Variants in ADCY2 observed in about 807,000 individuals in gnomAD.
ADCY2 encodes adenylate cyclase 2.
Under a neutral mutation model 125.2 loss-of-function variants are expected in ADCY2, and 31 were observed. The ratio of observed to expected loss-of-function variants is 0.25; its 90% confidence interval spans 0.19 to 0.33. ADCY2 has a LOEUF of 0.33. Among genes scored for constraint, ADCY2 ranks in the 10% least tolerant of loss-of-function variants. The pLI, the probability that ADCY2 is intolerant of heterozygous loss-of-function variation, is 1.00. For missense variants in ADCY2, 904 were observed against 1,418.2 expected, an observed-to-expected ratio of 0.64 and a Z score of 5.82; for synonymous variants, 512 against 548.4, an observed-to-expected ratio of 0.93 and a Z score of 0.93.
At chr5:7,527,315 C>T (rs185503029) in intron 3 of ADCY2, among the ~76,000 whole-genome samples, 43 of 152,320 alleles carry the variant, frequency 2.8e-4, no homozygotes, top group African/African-American at 9.6e-4. Flanking sequence ...ACATATACAT[C>T]GTGCCTGTTC....
chr5:7,468,940 T>A (rs1193181326), intron 2 of ADCY2, among the ~76,000 whole-genome samples: 1 of 152,132 alleles, frequency 6.6e-6, no homozygotes, highest in African/African-American at 2.4e-5. Context: ...ATGCCAAAGC[T>A]ATATCACTCC....
chr5:7,658,427 G>GTA (rs1739414584), intron 4 of ADCY2, among the ~76,000 whole-genome samples: 1 of 142,086 alleles, frequency 7.0e-6, no homozygotes, highest in East Asian at 2.3e-4. Context: ...GTGTGTGTGT[G>GTA]TGTGTATATA....
chr5:7,741,728 T>C (rs199953448), intron 14 of ADCY2, among the ~76,000 whole-genome samples: 1 of 4,240 alleles, frequency 2.4e-4, no homozygotes, highest in Admixed American at 2.6e-3. Flanking sequence ...ATCACTATCA[T>C]CATCACCATC....
At chr5:7,543,800 T>G (rs1735068362) in intron 3 of ADCY2, among the ~76,000 whole-genome samples, 1 of 151,774 alleles carries the variant, frequency 6.6e-6, no homozygotes, top group African/African-American at 2.4e-5. Context: ...GATCACAAGG[T>G]CAGGAGATTG....
At chr5:7,689,655 C>T (rs571524969) in intron 4 of ADCY2, among the ~76,000 whole-genome samples, 1 of 152,092 alleles carries the variant, frequency 6.6e-6, no homozygotes, top group South Asian at 2.1e-4. Context: ...GACACCTGAC[C>T]CTGTGAACCT....
intron 2 of ADCY2, among the ~76,000 whole-genome samples, chr5:7,447,158 A>AC (rs1207854253): frequency 6.6e-6 from 1 of 151,960 alleles, no homozygotes; most frequent in Non-Finnish European, 1.5e-5. Flanking sequence ...CCACCACCCG[A>AC]CCTTACTCAG....
intron 2 of ADCY2, among the ~76,000 whole-genome samples, chr5:7,518,756 C>A (rs1283605931): frequency 1.3e-5 from 2 of 152,108 alleles, no homozygotes; most frequent in Non-Finnish European, 2.9e-5. Flanking sequence ...CGGCTGGACT[C>A]AGAAGAATTA....
intron 1 of ADCY2, among the ~76,000 whole-genome samples, chr5:7,399,888 A>G (rs1739198699): frequency 6.6e-6 from 1 of 152,226 alleles, no homozygotes; most frequent in Non-Finnish European, 1.5e-5. Context: ...ATGAAATTTT[A>G]AGTCATAAAT....
chr5:7,482,303 G>A (rs1205775122), intron 2 of ADCY2, among the ~76,000 whole-genome samples: 2 of 151,902 alleles, frequency 1.3e-5, no homozygotes, highest in East Asian at 1.9e-4. Context: ...TTTGCTGTTG[G>A]GTTGTTTGAG....
In ADCY2 at chr5:7,601,396, G is replaced by C. The variant is rs571395176; in HGVS notation, c.571-24771G>C. 8.6e-4 allele frequency among the ~76,000 whole-genome samples: 131 copies of C among 152,308 alleles called. 2 individuals carry two copies. The highest frequency in any genetic ancestry group is 8.6e-3 in the Admixed American group (131 of 15,300). On this transcript the variant is annotated intron_variant, in intron 3 of 24. Transcript: ENST00000338316. ...CATATACCTCAGGCCTCTGTACAGG[G>C]CAAAAGTCAGTTAAAGGGACATTTG... is the stretch of plus-strand genomic sequence containing the variant.
intron 2 of ADCY2, among the ~76,000 whole-genome samples, chr5:7,486,895 G>A (rs1226098927): frequency 1.3e-5 from 2 of 152,138 alleles, no homozygotes; most frequent in Non-Finnish European, 1.5e-5. Flanking sequence ...CATGTGCGTT[G>A]GAGGTCAGGG....
At chr5:7,498,240 T>A (rs13155425) in intron 2 of ADCY2, among the ~76,000 whole-genome samples, 5 of 51,102 alleles carry the variant, frequency 9.8e-5, no homozygotes, top group Non-Finnish European at 2.5e-4. Flanking sequence ...TCTTTTTTCG[T>A]TTTTTTTTTT....
At chr5:7,699,039 TC>T (rs1382235664) in intron 7 of ADCY2, among the ~76,000 whole-genome samples, 2 of 141,474 alleles carry the variant, frequency 1.4e-5, no homozygotes, top group Non-Finnish European at 3.0e-5. Flanking sequence ...CCACATCCTC[TC>T]CAGCATCTGT....
At chr5:7,548,641 A>G (rs1430314721) in intron 3 of ADCY2, among the ~76,000 whole-genome samples, 2 of 152,206 alleles carry the variant, frequency 1.3e-5, no homozygotes, top group Admixed American at 1.3e-4. Flanking sequence ...AGTGTTTGCC[A>G]GTAACTTTAA....
intron 18 of ADCY2, among the ~76,000 whole-genome samples, chr5:7,780,615 T>C (rs1162412610): frequency 6.6e-6 from 1 of 152,198 alleles, no homozygotes; most frequent in East Asian, 1.9e-4. Context: ...TGAGAAGATA[T>C]GATTTTACCT....
intron 2 of ADCY2, among the ~76,000 whole-genome samples, chr5:7,458,539 C>CAAACA (rs1741795581): frequency 6.6e-6 from 1 of 152,082 alleles, no homozygotes; most frequent in African/African-American, 2.4e-5. Context: ...GTGATATTGT[C>CAAACA]AGTCTGCTCT....
intron 18 of ADCY2, chr5:7,782,409 C>G (rs1743947877): frequency 6.5e-6 from 1 of 153,598 alleles, no homozygotes; most frequent in African/African-American, 2.4e-5. Flanking sequence ...CTTGAATTGT[C>G]TAAGAGGATC....
At chr5:7,789,459 A>T (rs529088985) in intron 19 of ADCY2, among the ~76,000 whole-genome samples, 183 bp from the exon 20 acceptor site, 1 of 152,276 alleles carries the variant, frequency 6.6e-6, no homozygotes, top group Admixed American at 6.5e-5. Flanking sequence ...TTGCAAATCC[A>T]TGTCAGAGGT....
In ADCY2 at chr5:7,540,853, G is replaced by T. The variant is rs538016069; in HGVS notation, c.570+19954G>T. Among the ~76,000 whole-genome samples, 3 of 152,296 alleles carry T rather than the reference G, an allele frequency of 2.0e-5. No homozygotes were observed. In the South Asian group the frequency reaches 6.2e-4, roughly 32 times the overall value. Reference sequence around the variant, plus strand: ...ATTTGAATTTGGTCCGGATTCAGGGGGTGGGAGCAAGGGAAGATCAGAGAC... The same window carrying T: ...ATTTGAATTTGGTCCGGATTCAGGGTGTGGGAGCAAGGGAAGATCAGAGAC... On this transcript the variant is annotated intron_variant, in intron 3 of 24. Transcript: ENST00000338316.
Sources: gnomAD v4.1 joint callset for allele counts (sites outside exome capture counted in the v4.1 genomes callset) on GRCh38, gnomAD v4.1.1 for gene constraint, MANE v1.5 for transcripts, NCBI Gene and HGNC (gene_info 2026-07-23, HGNC 2026-07-21) for gene names.